The following TM9SF3 variants were observed in gnomAD, a reference collection of about 807,000 sequenced individuals.
TM9SF3 encodes the protein SM-11044-binding protein.
In TM9SF3, 14 loss-of-function variants were observed where a neutral mutation model predicts 78.6. That is an observed-to-expected ratio of 0.18 (90% CI 0.12 to 0.28). TM9SF3 has a LOEUF of 0.28. Among genes scored for constraint, TM9SF3 ranks in the 10% least tolerant of loss-of-function variants. The pLI, the probability that TM9SF3 is intolerant of heterozygous loss-of-function variation, is 1.00. For synonymous variants in TM9SF3, 231 were observed against 241.7 expected, an observed-to-expected ratio of 0.96 and a Z score of 0.41; for missense variants, 496 against 721.9, an observed-to-expected ratio of 0.69 and a Z score of 3.59.
chr10:96,559,570 A>ACTTTAATC, intron 5 of TM9SF3, 89 bp downstream of exon 5: 1 of 937,124 alleles, frequency 1.1e-6, no homozygotes, highest in Non-Finnish European at 1.6e-6. Context: ...ACAGTCCTCA[A>ACTTTAATC]CACAGTGCCC....
chr10:96,538,502 A>C (rs1847985059), intron 9 of TM9SF3, among the ~76,000 whole-genome samples: 1 of 152,208 alleles, frequency 6.6e-6, no homozygotes, highest in Non-Finnish European at 1.5e-5. Context: ...GAACAGAAAA[A>C]GCACAAAGCA....
At chr10:96,552,714 GTTC>G (rs545280141) in intron 6 of TM9SF3, among the ~76,000 whole-genome samples, 10 of 152,054 alleles carry the variant, frequency 6.6e-5, no homozygotes, top group Non-Finnish European at 1.3e-4. Context: ...TCGGGTGAAT[GTTC>G]TTATGTTTTC....
intron 9 of TM9SF3, among the ~76,000 whole-genome samples, chr10:96,536,570 G>A (rs530621310): frequency 6.7e-4 from 102 of 152,116 alleles, no homozygotes; most frequent in Non-Finnish European, 2.2e-4. Flanking sequence ...CTAAAAAACT[G>A]TTTTCCTACA....
At chr10:96,554,585 AGT>A (rs1848212441) in intron 5 of TM9SF3, among the ~76,000 whole-genome samples, 2 of 152,124 alleles carry the variant, frequency 1.3e-5, no homozygotes, top group African/African-American at 4.8e-5. Flanking sequence ...CAAAAGCTCC[AGT>A]CTTAGTACTC....
intron 3 of TM9SF3, among the ~76,000 whole-genome samples, chr10:96,563,702 T>C (rs1297332130): frequency 6.6e-6 from 1 of 152,190 alleles, no homozygotes; most frequent in African/African-American, 2.4e-5. Context: ...TTAAGGTTTA[T>C]TTACCTATCT....
chr10:96,567,931 G>A (rs927985428), intron 2 of TM9SF3, among the ~76,000 whole-genome samples: 1 of 152,192 alleles, frequency 6.6e-6, no homozygotes, highest in Non-Finnish European at 1.5e-5. Flanking sequence ...TTGTACAGAA[G>A]GAGAAAATGC....
At chr10:96,532,296 T>C (rs1158582571) in intron 10 of TM9SF3, among the ~76,000 whole-genome samples, 1 of 151,844 alleles carries the variant, frequency 6.6e-6, no homozygotes, top group Non-Finnish European at 1.5e-5. Flanking sequence ...AGCACCAATC[T>C]AAGGAAAGAA....
At position 96,569,473 on chromosome 10, in the gene TM9SF3, A is replaced by G. The variant is rs76853972; in HGVS notation, c.299-4047T>C. Among the ~76,000 whole-genome samples, 243 of 152,354 alleles carry G rather than the reference A, an allele frequency of 1.6e-3. 1 individual carries two copies. The highest frequency in any genetic ancestry group is 3.1e-3 in the Non-Finnish European group (208 of 68,032). Reference sequence around the variant, plus strand: ...GAACTGGAAAAACTGATATATTCACAGTTAATTAAATAACTATATAAAGAG... The same window carrying G: ...GAACTGGAAAAACTGATATATTCACGGTTAATTAAATAACTATATAAAGAG... On this transcript the variant is annotated intron_variant, in intron 2 of 14. Coordinates refer to ENST00000371142, the MANE Select transcript of TM9SF3 (RefSeq NM_020123.4).
chr10:96,557,185 C>A (rs1311515472), intron 5 of TM9SF3, among the ~76,000 whole-genome samples: 1 of 152,156 alleles, frequency 6.6e-6, no homozygotes, highest in African/African-American at 2.4e-5. Flanking sequence ...AGACCTCTCT[C>A]CTGAACTCCA....
chr10:96,554,710 C>G (rs1228293037), intron 5 of TM9SF3, among the ~76,000 whole-genome samples: 1 of 152,162 alleles, frequency 6.6e-6, no homozygotes, highest in Non-Finnish European at 1.5e-5. Context: ...CTTTCTCACT[C>G]ATGTTTCAGG....
chr10:96,568,358 C>G (rs1051283994), intron 2 of TM9SF3, among the ~76,000 whole-genome samples: 2 of 152,308 alleles, frequency 1.3e-5, no homozygotes, highest in Non-Finnish European at 2.9e-5. Flanking sequence ...AGGTGAAACA[C>G]ACATCCATGA....
intron 1 of TM9SF3, among the ~76,000 whole-genome samples, chr10:96,578,277 G>A (rs1452198746): frequency 6.6e-6 from 1 of 152,160 alleles, no homozygotes; most frequent in Non-Finnish European, 1.5e-5. Flanking sequence ...CAAGTATCGC[G>A]TTAGGTATTA....
chr10:96,576,516 T>C lies in TM9SF3; in HGVS notation c.298+118A>G, dbSNP rs1848498355. 4 of 933,696 alleles carry C rather than the reference T, an allele frequency of 4.3e-6. No individual in the cohort carries two copies. In the South Asian group the frequency reaches 8.5e-5, roughly 20 times the overall value. The allele number at this position is 933,696 out of a possible 1,614,324, so 57.8% of individuals were successfully genotyped here. A position where few individuals can be genotyped will look rare whatever the true frequency, so the allele number is the denominator to read the frequency against. On this transcript the variant is annotated intron_variant, in intron 2 of 14. Transcript: ENST00000371142. ...AGGGACTCTGCTAGACATCCTAACA[T>C]GTACATAACAGCTCCATACAACAAA...
chr10:96,547,273 C>A (rs1176320796), intron 8 of TM9SF3, among the ~76,000 whole-genome samples: 1 of 152,164 alleles, frequency 6.6e-6, no homozygotes, highest in African/African-American at 2.4e-5. Flanking sequence ...CCTTTATATT[C>A]ATCTATAAAG....
At position 96,541,881 on chromosome 10, in the gene TM9SF3, T is replaced by C. The variant is rs138558194; in HGVS notation, c.1185+2195A>G. On this transcript the variant is annotated intron_variant, in intron 9 of 14. Coordinates refer to ENST00000371142, the MANE Select transcript of TM9SF3 (RefSeq NM_020123.4). ...CCTGGCTTCTCAGACACATGGCACC[T>C]ATGGTCTGGGAGCCTTTCGGCTCAC... Among the ~76,000 whole-genome samples the C allele has an allele frequency of 4.9e-3, 751 of 152,334 alleles. 7 individuals carry two copies. The highest frequency in any genetic ancestry group is 0.015 in the African/African-American group (642 of 41,590).
intron 2 of TM9SF3, among the ~76,000 whole-genome samples, chr10:96,574,699 T>C (rs1447004357): frequency 6.6e-6 from 1 of 152,070 alleles, no homozygotes; most frequent in East Asian, 1.9e-4. Flanking sequence ...ATAGAATGGA[T>C]AAAGAAAATG....
intron 7 of TM9SF3, 150 bp downstream of exon 7, chr10:96,551,095 A>G (rs537629428): frequency 7.6e-5 from 53 of 696,256 alleles, no homozygotes; most frequent in Non-Finnish European, 1.1e-4. Context: ...TTCATTATTT[A>G]ATTTGTCTGT....
intron 3 of TM9SF3, among the ~76,000 whole-genome samples, chr10:96,564,598 C>G (rs978702653): frequency 2.6e-5 from 4 of 152,142 alleles, no homozygotes; most frequent in African/African-American, 9.7e-5. Context: ...TAGTTTACTG[C>G]TCATGATGAC....
chr10:96,569,169 C>T (rs943264037), intron 2 of TM9SF3, among the ~76,000 whole-genome samples: 9 of 151,316 alleles, frequency 5.9e-5, no homozygotes, highest in Admixed American at 5.9e-4. Context: ...ACCCTGTCTC[C>T]AAAAAAAGAA....
Sources: gnomAD v4.1 joint callset for allele counts (sites outside exome capture counted in the v4.1 genomes callset) on GRCh38, gnomAD v4.1.1 for gene constraint, MANE v1.5 for transcripts, NCBI Gene and HGNC (gene_info 2026-07-23, HGNC 2026-07-21) for gene names.